RTN1: variants seen among roughly 807,000 people sequenced by gnomAD.
The protein encoded by RTN1 is reticulon 1.
A neutral mutation model predicts 65.5 loss-of-function variants in RTN1; 25 were observed. The observed-to-expected ratio is 0.38, with a 90% CI of 0.28 to 0.53. RTN1 has a LOEUF of 0.53. RTN1 is among the 20% of genes least tolerant of loss of function. The pLI is 0.79. For missense variants in RTN1, 983 were observed against 1,025.4 expected, an observed-to-expected ratio of 0.96 and a Z score of 0.57; for synonymous variants, 471 against 447.6, an observed-to-expected ratio of 1.05 and a Z score of -0.66.
rs1242391777 is a variant in RTN1 at position 59,836,105 on chromosome 14, C to T, written c.241+34285G>A. Reference sequence around the variant, plus strand: ...GCTTCTTCCCTCTTAGAAGGACCCTCGTGATTGCACTGGGACCACCTGGAT... The same window carrying T: ...GCTTCTTCCCTCTTAGAAGGACCCTTGTGATTGCACTGGGACCACCTGGAT... On this transcript the variant is annotated intron_variant, in intron 1 of 8. Transcript: ENST00000267484. The surrounding 1 kb of genome is among the most constrained non-coding windows in gnomAD (Gnocchi z 4.9). Among the ~76,000 whole-genome samples, 1 of 152,174 alleles carries T rather than the reference C, an allele frequency of 6.6e-6. No individual in the cohort carries two copies. The highest frequency in any genetic ancestry group is 2.4e-5 in the African/African-American group (1 of 41,442).
intron 1 of RTN1, among the ~76,000 whole-genome samples, chr14:59,793,901 G>A (rs79521348): frequency 6.6e-6 from 1 of 152,024 alleles, no homozygotes; most frequent in African/African-American, 2.4e-5. Flanking sequence ...TTGCCCCCAT[G>A]CCACAGTGCA....
intron 3 of RTN1, among the ~76,000 whole-genome samples, chr14:59,654,540 C>T (rs1290451687): frequency 9.5e-5 from 14 of 146,782 alleles, no homozygotes; most frequent in Admixed American, 9.5e-4. Flanking sequence ...AAAAAAACTA[C>T]AGAGCAATAT....
intron 2 of RTN1, 142 bp downstream of exon 2, chr14:59,745,566 A>C: frequency 1.5e-6 from 1 of 647,136 alleles, no homozygotes; most frequent in Non-Finnish European, 2.5e-6. Flanking sequence ...ATATTAATTA[A>C]ATTAGTTAAA....
chr14:59,698,250 A>G (rs752461677), intron 3 of RTN1, among the ~76,000 whole-genome samples: 13 of 152,114 alleles, frequency 8.5e-5, no homozygotes, highest in Admixed American at 1.3e-4. Context: ...TTGACTCTGA[A>G]CCTTTTGTAC....
chr14:59,611,409 TG>T (rs1881945495), intron 3 of RTN1, among the ~76,000 whole-genome samples: 1 of 152,200 alleles, frequency 6.6e-6, no homozygotes, highest in African/African-American at 2.4e-5. Context: ...CCTGGGGAGA[TG>T]TCCTTTAACT....
intron 3 of RTN1, among the ~76,000 whole-genome samples, chr14:59,623,793 G>A (rs1884737): frequency 0.71 from 108,053 of 152,102 alleles, 40,307 homozygotes; most frequent in Admixed American, 0.82. Flanking sequence ...TAAAATTTGG[G>A]CCAAGATGAT....
intron 1 of RTN1, among the ~76,000 whole-genome samples, chr14:59,800,045 G>A (rs1309469552): frequency 3.3e-5 from 5 of 152,182 alleles, no homozygotes; most frequent in Non-Finnish European, 5.9e-5. Context: ...GATGGGCAAG[G>A]AAAGAGAACC....
chr14:59,835,650 G>A (rs994989299), intron 1 of RTN1, among the ~76,000 whole-genome samples: 31 of 152,024 alleles, frequency 2.0e-4, no homozygotes, highest in African/African-American at 7.2e-4. Context: ...CTTAACCCCT[G>A]TAAGTCTCCA....
At chr14:59,622,088 C>T (rs1414093501) in intron 3 of RTN1, among the ~76,000 whole-genome samples, 1 of 152,206 alleles carries the variant, frequency 6.6e-6, no homozygotes, top group African/African-American at 2.4e-5. Flanking sequence ...GTAACCCCAG[C>T]ACTCTGGGAG....
chr14:59,762,572 TGTC>T (rs1885771243), intron 1 of RTN1, among the ~76,000 whole-genome samples: 1 of 152,190 alleles, frequency 6.6e-6, no homozygotes, highest in Non-Finnish European at 1.5e-5. Context: ...TTCTTGGAAT[TGTC>T]GTGATGATTA....
chr14:59,696,174 T>C (rs1220604541), intron 3 of RTN1, among the ~76,000 whole-genome samples: 3 of 152,196 alleles, frequency 2.0e-5, no homozygotes, highest in African/African-American at 7.2e-5. Flanking sequence ...TACTTGCATT[T>C]ACCTGCCTGG....
At chr14:59,682,151 T>G (rs558690222) in intron 3 of RTN1, among the ~76,000 whole-genome samples, 1 of 152,178 alleles carries the variant, frequency 6.6e-6, no homozygotes, top group Non-Finnish European at 1.5e-5. Flanking sequence ...AATGGAATTA[T>G]CCTAATTCCC....
At chr14:59,693,741 T>TC (rs1322679038) in intron 3 of RTN1, among the ~76,000 whole-genome samples, 4 of 152,238 alleles carry the variant, frequency 2.6e-5, no homozygotes, top group Non-Finnish European at 5.9e-5. Flanking sequence ...TAATCTGGAC[T>TC]CCAAGTCCAA....
At chr14:59,654,764 G>A (rs1329323578) in intron 3 of RTN1, among the ~76,000 whole-genome samples, 17 of 152,004 alleles carry the variant, frequency 1.1e-4, no homozygotes, top group Admixed American at 1.0e-3. Flanking sequence ...TGTTAAAAAC[G>A]ACAACAAGAA....
rs1032594481 is a variant in RTN1, at chr14:59,607,484, G to A, written c.1774C>T (p.Leu592=). The A allele has an allele frequency of 1.2e-6, 2 of 1,606,408 alleles. No individual in the cohort carries two copies. The highest frequency in any genetic ancestry group is 1.7e-5 in the Admixed American group (1 of 59,136). Residue 592 remains leucine, a synonymous_variant, in exon 4 of 9, where the codon CTG becomes TTG. Transcript: ENST00000267484. Reference sequence around the variant, plus strand: ...TGCTTGATGTCCCGCCAATACAACAGGTCAATAGCTGCAGGAGACACCAAA... The same window carrying A: ...TGCTTGATGTCCCGCCAATACAACAAGTCAATAGCTGCAGGAGACACCAAA... ...LFLNKQKAID[L]LYWRDIKQTG... is the part of the protein sequence containing the mutation.
intron 1 of RTN1, among the ~76,000 whole-genome samples, chr14:59,778,983 G>A (rs1485559777): frequency 1.3e-5 from 2 of 152,160 alleles, no homozygotes; most frequent in Non-Finnish European, 2.9e-5. Context: ...GATCTGACCT[G>A]ATTTCAGAAA....
intron 8 of RTN1, among the ~76,000 whole-genome samples, chr14:59,601,355 G>T (rs1881573054): frequency 6.6e-6 from 1 of 152,076 alleles, no homozygotes; most frequent in Non-Finnish European, 1.5e-5. Context: ...CCACTATCCT[G>T]TCCAGGAAGG....
At chr14:59,684,167 A>AT (rs1166133384) in intron 3 of RTN1, among the ~76,000 whole-genome samples, 5 of 151,728 alleles carry the variant, frequency 3.3e-5, no homozygotes. Context: ...AACTTTTTTT[A>AT]TTTTTTTACT....
intron 3 of RTN1, among the ~76,000 whole-genome samples, chr14:59,629,064 T>C (rs1882475786): frequency 6.6e-6 from 1 of 152,226 alleles, no homozygotes; most frequent in African/African-American, 2.4e-5. Flanking sequence ...TACAAAATAT[T>C]TTCACAGCTG....
Sources: allele counts gnomAD v4.1 joint callset (sites outside exome capture counted in the v4.1 genomes callset), GRCh38; gene constraint gnomAD v4.1.1; non-coding constraint Gnocchi (gnomAD v3.1); transcripts MANE v1.5; gene names NCBI Gene and HGNC (gene_info 2026-07-23, HGNC 2026-07-21).